The following ZNF511 variants were observed in gnomAD, a reference collection of about 807,000 sequenced individuals.
The protein encoded by ZNF511 is zinc finger protein 511.
ZNF511 carries 26 observed loss-of-function variants against 24.8 expected under a neutral mutation model. The ratio of observed to expected loss-of-function variants is 1.05; its 90% CI spans 0.77 to 1.46. ZNF511 has a LOEUF of 1.46. Among genes scored for constraint, ZNF511 ranks in the 40% most tolerant of loss-of-function variants. The pLI, the probability that ZNF511 is intolerant of heterozygous loss-of-function variation, is 0.00. For synonymous variants in ZNF511, 144 were observed against 139.6 expected (o/e 1.03, Z -0.22); for missense variants, 358 against 345.0 (o/e 1.04, Z -0.30).
At position 133,312,949 on chromosome 10, in the gene ZNF511, G is replaced by A. The variant is rs1848024541; in HGVS notation, c.*83G>A. On this transcript the variant is annotated 3_prime_UTR_variant, in exon 6 of 6. Transcript: ENST00000361518. ...GGCCTTTCTCCGACCTTCTGGTGTG[G>A]CCGCCCTGGGGGCCAGGCCCTCGCC... 1.9e-6 allele frequency: 3 copies of A among 1,600,152 alleles called. No individual in the cohort carries two copies. Among genetic ancestry groups the A allele is most frequent in the East Asian group, 2.2e-5 (1 of 44,656 alleles).
In ZNF511 at chr10:133,312,784, C is replaced by G; in HGVS notation, c.681-4C>G. On this transcript the variant is annotated splice_polypyrimidine_tract_variant and splice_region_variant and intron_variant, in intron 5 of 5. Coordinates refer to ENST00000361518, the MANE Select transcript of ZNF511 (RefSeq NM_145806.4). ...CATCTAATAGAAACTTTCTTCCATC[C>G]CAGAATACCCTCTACCATCTGCTTT... The G allele has an allele frequency of 6.2e-7, 1 of 1,614,194 alleles. No individual in the cohort carries two copies. Among genetic ancestry groups the G allele is most frequent in the Non-Finnish European group, 8.5e-7 (1 of 1,180,022 alleles).
chr10:133,309,219 AGGCGGGACCTGAGGTGGTGG>A (rs146063105), intron 1 of ZNF511, 123 bp downstream of exon 1: 204,116 of 1,238,716 alleles, frequency 0.16, 17,337 homozygotes, highest in African/African-American at 0.38. Flanking sequence ...AGCCTGGGAC[AGGCGGGACCTGAGGTGGTGG>A]GGCGGGGCCG....
At chr10:133,309,755 T>C (rs779291673) in intron 2 of ZNF511, 21 bp from the exon 3 acceptor site, 5 of 1,611,784 alleles carry the variant, frequency 3.1e-6, no homozygotes, top group Non-Finnish European at 4.2e-6. Flanking sequence ...GAAGGGCTCC[T>C]GAAGCACGTC....
rs1193271758 is a variant in ZNF511, at chr10:133,312,923, G to C, written c.*57G>C. 1.7e-5 allele frequency: 28 copies of C among 1,611,912 alleles called. No homozygotes were observed. The highest frequency in any genetic ancestry group is 2.3e-5 in the Non-Finnish European group (27 of 1,179,250). ...CACTGCTGGGCGTGGCATCCGCCTT[G>C]GGCCTTTCTCCGACCTTCTGGTGTG... On this transcript the variant is annotated 3_prime_UTR_variant, in exon 6 of 6. Transcript: ENST00000361518.
At chr10:133,310,444 A>G in intron 4 of ZNF511, 156 bp downstream of exon 4, 1 of 976,232 alleles carries the variant, frequency 1.0e-6, no homozygotes, top group South Asian at 1.6e-5. Context: ...CAACACAGCT[A>G]CAGGTGGTTG....
In ZNF511 at chr10:133,311,860, T is replaced by C; in HGVS notation, c.680+19T>C. ...GACATAGGTCAGTGTCTGAGCTCTT[T>C]CTGAAACCCGTTCTCAACATGTGTT... On this transcript the variant is annotated intron_variant, in intron 5 of 5. Coordinates refer to ENST00000361518, the MANE Select transcript of ZNF511 (RefSeq NM_145806.4). The C allele has an allele frequency of 6.2e-7, 1 of 1,613,324 alleles. No homozygotes were observed. The highest frequency in any genetic ancestry group is 8.5e-7 in the Non-Finnish European group (1 of 1,180,050).
At chr10:133,310,499 G>C (rs1327051654) in intron 4 of ZNF511, 4 of 617,646 alleles carry the variant, frequency 6.5e-6, no homozygotes, top group Non-Finnish European at 1.1e-5. Context: ...GGGAGCCCCT[G>C]GCTGCCCAGC....
In ZNF511 at chr10:133,313,090, G is replaced by A. The variant is rs973210192; in HGVS notation, c.*224G>A. Reference sequence around the variant, plus strand: ...ACACTATTGGGAAGGAGATGTGGACGGCCTGTCTCCTCCTGCAGGGCCCAC... The same window carrying A: ...ACACTATTGGGAAGGAGATGTGGACAGCCTGTCTCCTCCTGCAGGGCCCAC... On this transcript the variant is annotated 3_prime_UTR_variant, in exon 6 of 6. Coordinates refer to ENST00000361518, the MANE Select transcript of ZNF511 (RefSeq NM_145806.4). The A allele has an allele frequency of 1.8e-5, 22 of 1,203,352 alleles. No homozygotes were observed. The highest frequency in any genetic ancestry group is 2.9e-4 in the Middle Eastern group (1 of 3,390). 74.5% of individuals were successfully genotyped at this position (1,203,352 alleles called of 1,614,324 possible).
chr10:133,312,355 C>T lies in ZNF511; in HGVS notation c.681-433C>T, dbSNP rs376371733. ...TGATTTTAAATTAATTTGGGAAAAA[C>T]GGTGAACAAGTGGGGAAAAACATCA... On this transcript the variant is annotated intron_variant, in intron 5 of 5. Coordinates refer to ENST00000361518, the MANE Select transcript of ZNF511 (RefSeq NM_145806.4). 14 of 1,162,762 alleles carry T rather than the reference C, an allele frequency of 1.2e-5. No individual in the cohort carries two copies. In the African/African-American group the frequency reaches 1.6e-4, roughly 13 times the overall value. 72.0% of individuals were successfully genotyped at this position (1,162,762 alleles called of 1,614,324 possible).
intron 2 of ZNF511, 101 bp from the exon 3 acceptor site, chr10:133,309,675 C>T (rs890993589): frequency 2.9e-6 from 4 of 1,399,422 alleles, no homozygotes; most frequent in Middle Eastern, 2.4e-4. Flanking sequence ...GCAAAAGATG[C>T]ATAGGGGCTT....
intron 5 of ZNF511, 46 bp downstream of exon 5, chr10:133,311,887 G>A (rs374617214): frequency 1.2e-5 from 19 of 1,613,086 alleles, no homozygotes; most frequent in African/African-American, 1.1e-4. Flanking sequence ...ACATGTGTTC[G>A]GTGCTGAGGA....
At position 133,309,785 on chromosome 10, in the gene ZNF511, G is replaced by A. The variant is rs1220991097; in HGVS notation, c.237G>A (p.Ala79=). The A allele has an allele frequency of 3.1e-6, 5 of 1,612,936 alleles. No homozygotes were observed. In the South Asian group the frequency reaches 3.3e-5, roughly 11 times the overall value. ...ADVPEKPRVP[A]FACQVAGCCQ... ...CACGTCTCCTTGGCAGGGTGCCCGC[G>A]TTTGCCTGCCAGGTGGCCGGCTGCT... The change falls in exon 3 of 6, where the codon GCG becomes GCA. Residue 79 remains alanine, a synonymous_variant. Coordinates refer to ENST00000361518, the MANE Select transcript of ZNF511 (RefSeq NM_145806.4).
intron 5 of ZNF511, chr10:133,312,571 T>A: frequency 7.0e-7 from 1 of 1,435,140 alleles, no homozygotes; most frequent in Non-Finnish European, 9.1e-7. Flanking sequence ...GCGGAGTTCT[T>A]CCCAGCGGGT....
rs1193236470 is a variant in ZNF511, at chr10:133,312,897, C to T, written c.*31C>T. The T allele has an allele frequency of 6.2e-7, 1 of 1,613,726 alleles. No individual in the cohort carries two copies. The highest frequency in any genetic ancestry group is 8.5e-7 in the Non-Finnish European group (1 of 1,179,974). The stretch of plus-strand genomic sequence containing the variant: ...TCAGAAAAGGAGTGGGGGGCAGTCA[C>T]CACTGCTGGGCGTGGCATCCGCCTT... On this transcript the variant is annotated 3_prime_UTR_variant, in exon 6 of 6. Coordinates refer to ENST00000361518, the MANE Select transcript of ZNF511 (RefSeq NM_145806.4).
chr10:133,312,140 C>A, intron 5 of ZNF511: 6 of 1,437,230 alleles, frequency 4.2e-6, no homozygotes, highest in Non-Finnish European at 5.4e-6. Flanking sequence ...TCAGTCACAA[C>A]CCAGGCGTCT....
chr10:133,309,655 G>C, intron 2 of ZNF511, 121 bp from the exon 3 acceptor site: 6 of 1,328,514 alleles, frequency 4.5e-6, no homozygotes, highest in Non-Finnish European at 6.4e-6. Context: ...TAAAAAGAGG[G>C]TTTGGGATTG....
intron 4 of ZNF511, 132 bp downstream of exon 4, chr10:133,310,420 A>C: frequency 8.5e-7 from 1 of 1,169,998 alleles, no homozygotes; most frequent in Non-Finnish European, 1.2e-6. Flanking sequence ...ACCTGCAGGT[A>C]CCTGAAGCCC....
At chr10:133,310,320 C>G in intron 4 of ZNF511, 32 bp downstream of exon 4, 1 of 1,611,778 alleles carries the variant, frequency 6.2e-7, no homozygotes, top group Non-Finnish European at 8.5e-7. Flanking sequence ...CACGTGTCTG[C>G]TTTTGATTTT....
At position 133,309,094 on chromosome 10, in the gene ZNF511, G is replaced by C; in HGVS notation, c.151G>C (p.Glu51Gln). Reference sequence around the variant, plus strand: ...CTTCCCGCGGGAGCACCAGTTCTTCGAGGTGCGTGAGCAAAAGAGGGAAAA... The same window carrying C: ...CTTCCCGCGGGAGCACCAGTTCTTCCAGGTGCGTGAGCAAAAGAGGGAAAA... ...VRFPREHQFFEDGDVQRHLYL... is the reference protein window; with the variant it reads ...VRFPREHQFFQDGDVQRHLYL... The change falls in exon 1 of 6, where the codon GAG (glutamate) becomes CAG (glutamine). Residue 51 changes from glutamate to glutamine, a missense_variant and splice_region_variant. Transcript: ENST00000361518. 3 of 1,315,384 alleles carry C rather than the reference G, an allele frequency of 2.3e-6. No homozygotes were observed. The highest frequency in any genetic ancestry group is 2.9e-6 in the Non-Finnish European group (3 of 1,027,366). 81.5% of individuals were successfully genotyped at this position (1,315,384 alleles called of 1,614,324 possible). A position where few individuals can be genotyped will look rare whatever the true frequency, so the allele number is the denominator to read the frequency against.
Sources: allele counts gnomAD v4.1 joint callset, GRCh38; gene constraint gnomAD v4.1.1; transcripts MANE v1.5; gene names NCBI Gene and HGNC (gene_info 2026-07-23, HGNC 2026-07-21).